DMD: variants seen among roughly 807,000 people sequenced by gnomAD.
DMD encodes the protein dystrophin.
Under a neutral mutation model 330.1 loss-of-function variants are expected in DMD, and 63 were observed. The observed-to-expected ratio is 0.19, with a 90% confidence interval of 0.16 to 0.24. DMD has a LOEUF of 0.24. Ranked by LOEUF, DMD falls within the 10% of genes least tolerant of loss-of-function variation. The probability of loss-of-function intolerance (pLI) is 1.00; values close to 1 mark genes in which losing one functional copy is unlikely to be tolerated. For missense variants in DMD, 3,344 were observed against 2,684.1 expected (o/e 1.25, Z -5.43); for synonymous variants, 1,223 against 959.8 (o/e 1.27, Z -5.07).
At chrX:32,418,972 CAAAAAAAAAAA>C (rs1160282195) in intron 29 of DMD, among the ~76,000 whole-genome samples, 3 of 13,508 alleles carry the variant, frequency 2.2e-4, no homozygotes, top group East Asian at 2.8e-3. Context: ...GACTCTGTCT[CAAAAAAAAAAA>C]AAAAAAAAAA....
chrX:32,400,896 G>A (rs2098082021), intron 30 of DMD, among the ~76,000 whole-genome samples: 1 of 109,768 alleles, frequency 9.1e-6, no homozygotes, highest in East Asian at 2.9e-4. Flanking sequence ...GTTTATTGCG[G>A]CACTATTCAC....
At chrX:32,509,252 G>C (rs2045017006) in intron 18 of DMD, among the ~76,000 whole-genome samples, 1 of 108,792 alleles carries the variant, frequency 9.2e-6, no homozygotes, top group Non-Finnish European at 1.9e-5. Context: ...TTTCTCCTGG[G>C]ATCTGGCCAC....
At chrX:31,933,019 T>C (rs1310454249) in intron 45 of DMD, among the ~76,000 whole-genome samples, 1 of 111,285 alleles carries the variant, frequency 9.0e-6, no homozygotes, top group Admixed American at 9.6e-5. Flanking sequence ...TTCAAGGCAC[T>C]GCCAAATATG....
At chrX:31,914,756 G>C (rs940936765) in intron 47 of DMD, among the ~76,000 whole-genome samples, 1 of 112,130 alleles carries the variant, frequency 8.9e-6, no homozygotes, top group Non-Finnish European at 1.9e-5. Flanking sequence ...GAGTCGGGGA[G>C]GGGGCAGCGG....
intron 7 of DMD, among the ~76,000 whole-genome samples, chrX:32,776,370 A>G (rs1160714207): frequency 3.7e-5 from 4 of 109,463 alleles, no homozygotes; most frequent in South Asian, 4.1e-4. Context: ...ATGCCCCACT[A>G]TCTGGGCACC....
chrX:31,391,315 C>G (rs1186075249), intron 60 of DMD, among the ~76,000 whole-genome samples: 4 of 109,055 alleles, frequency 3.7e-5, no homozygotes, highest in Non-Finnish European at 5.7e-5. Context: ...CCATGTTGGT[C>G]AGGCTGGTCT....
intron 2 of DMD, among the ~76,000 whole-genome samples, chrX:32,975,346 CTTTTTTTTT>C (rs35180404): frequency 4.6e-5 from 3 of 64,773 alleles, no homozygotes; most frequent in African/African-American, 6.2e-5. Flanking sequence ...TTAAAAAATG[CTTTTTTTTT>C]TTTTTTTTTT....
intron 1 of DMD, among the ~76,000 whole-genome samples, chrX:33,280,086 G>A (rs2053305298): frequency 9.9e-6 from 1 of 100,880 alleles, no homozygotes; most frequent in Middle Eastern, 5.1e-3. Flanking sequence ...GGGCTCAAGC[G>A]ATTCTCATGC....
intron 42 of DMD, among the ~76,000 whole-genome samples, chrX:32,295,133 C>T (rs905826686): frequency 4.5e-5 from 5 of 111,816 alleles, no homozygotes; most frequent in African/African-American, 1.6e-4. Flanking sequence ...CGCTGAAATT[C>T]TGTAAGATGT....
intron 1 of DMD, among the ~76,000 whole-genome samples, chrX:33,234,329 C>T (rs1377913346): frequency 9.0e-6 from 1 of 111,075 alleles, no homozygotes; most frequent in Non-Finnish European, 1.9e-5. Context: ...TGCTGCCAAC[C>T]TCTACCACTT....
In DMD at chrX:32,396,775, T is replaced by C. The variant is rs191134973; in HGVS notation, c.4234-6594A>G. Among the ~76,000 whole-genome samples the C allele has an allele frequency of 1.8e-3, 197 of 111,768 alleles. 1 individual carries two copies. Among genetic ancestry groups the C allele is most frequent in the African/African-American group, 5.6e-3 (174 of 30,932 alleles). On this transcript the variant is annotated intron_variant, in intron 30 of 78. Coordinates refer to ENST00000357033, the MANE Select transcript of DMD (RefSeq NM_004006.3). ...CTATGGGTAAGCTGTAAAACATGCA[T>C]GACACATATTTGCCAGCATCTTTAC...
intron 1 of DMD, chrX:33,128,096 A>T: frequency 8.4e-7 from 1 of 1,195,785 alleles, no homozygotes; most frequent in East Asian, 3.0e-5. Flanking sequence ...TGCTTGTGGA[A>T]TTTATCATTC....
At chrX:32,290,217 C>T (rs1010790543) in intron 42 of DMD, among the ~76,000 whole-genome samples, 2 of 112,347 alleles carry the variant, frequency 1.8e-5, no homozygotes, top group Non-Finnish European at 3.8e-5. Context: ...TTCTTTCTCA[C>T]GTTAAAGGGG....
rs757638221 is a variant in DMD at position 31,413,187 on chromosome X, T to A, written c.9084+31294A>T. The stretch of plus-strand genomic sequence containing the variant: ...ATGGAACATTTGTGAATTTCATTAA[T>A]GCAATCTAATACTGTATTGCCTCGT... On this transcript the variant is annotated intron_variant, in intron 60 of 78. Coordinates refer to ENST00000357033, the MANE Select transcript of DMD (RefSeq NM_004006.3). Among the ~76,000 whole-genome samples, 5 of 112,180 alleles carry A rather than the reference T, an allele frequency of 4.5e-5. No homozygotes were observed. In the South Asian group the frequency reaches 1.9e-3, roughly 42 times the overall value.
chrX:32,010,105 A>G (rs1026020475), intron 44 of DMD, among the ~76,000 whole-genome samples: 4 of 111,828 alleles, frequency 3.6e-5, no homozygotes, highest in African/African-American at 9.8e-5. Flanking sequence ...TAATTCCAGC[A>G]GCTAGAACTG....
chrX:32,964,255 C>CAAAAAAAAAAAAAA (rs781702491), intron 2 of DMD, among the ~76,000 whole-genome samples: 1,292 of 35,056 alleles, frequency 0.037, 90 homozygotes, highest in East Asian at 0.065. Flanking sequence ...GACTCCATCT[C>CAAAAAAAAAAAAAA]AAAAAAAAAA....
At chrX:32,813,073 CACTA>C (rs772838543) in intron 6 of DMD, among the ~76,000 whole-genome samples, 1 of 111,309 alleles carries the variant, frequency 9.0e-6, no homozygotes, top group African/African-American at 3.3e-5. Flanking sequence ...TTTCCTTGGC[CACTA>C]ACTAACCAAC....
At chrX:32,485,129 C>T in intron 20 of DMD, 30 bp from the exon 21 acceptor site, 9 of 1,184,637 alleles carry the variant, frequency 7.6e-6, no homozygotes, top group Non-Finnish European at 1.0e-5. Flanking sequence ...AAGTAAGTAA[C>T]ACGTTTACTT....
At chrX:32,724,157 A>C (rs934930973) in intron 7 of DMD, among the ~76,000 whole-genome samples, 2 of 112,410 alleles carry the variant, frequency 1.8e-5, no homozygotes, top group African/African-American at 6.4e-5. Context: ...CTTTCAAAAA[A>C]TTGGTCCAAC....
Sources: gnomAD v4.1 joint callset for allele counts (sites outside exome capture counted in the v4.1 genomes callset) on GRCh38, gnomAD v4.1.1 for gene constraint, MANE v1.5 for transcripts, NCBI Gene and HGNC (gene_info 2026-07-23, HGNC 2026-07-21) for gene names.